The following NPLOC4 variants were observed in gnomAD, a reference collection of about 807,000 sequenced individuals.
The protein encoded by NPLOC4 is nuclear protein localization protein 4 homolog.
NPLOC4 carries 18 observed loss-of-function variants against 80.6 expected under a neutral mutation model. The observed-to-expected ratio is 0.22, with a 90% CI of 0.15 to 0.33. The LOEUF (loss-of-function observed/expected upper bound fraction) is 0.33, where lower values mean the gene tolerates loss of function less well. NPLOC4 is among the 10% of genes least tolerant of loss of function. NPLOC4 has a pLI of 1.00. For synonymous variants in NPLOC4, 313 were observed against 301.5 expected (o/e 1.04, Z -0.39); for missense variants, 540 against 786.1 (o/e 0.69, Z 3.74).
At chr17:81,620,234 A>T (rs2035628841) in intron 3 of NPLOC4, among the ~76,000 whole-genome samples, 1 of 152,214 alleles carries the variant, frequency 6.6e-6, no homozygotes, top group South Asian at 2.1e-4. Flanking sequence ...ACGGTGGCTC[A>T]CACCTGTAAT....
rs565558030 is a variant in NPLOC4 at position 81,599,376 on chromosome 17, T to C, written c.921+965A>G. On this transcript the variant is annotated intron_variant, in intron 9 of 16. Transcript: ENST00000331134. ...TTCAAGATTATGAACTGTAAGATTA[T>C]AACAAATTAGGTCAAAAAATTGGAC... Among the ~76,000 whole-genome samples the C allele has an allele frequency of 2.0e-5, 3 of 152,344 alleles. No individual in the cohort carries two copies. In the South Asian group the frequency reaches 6.2e-4, roughly 32 times the overall value.
In NPLOC4 at chr17:81,622,653, T is replaced by A. The variant is rs141491584; in HGVS notation, c.97-375A>T. On this transcript the variant is annotated intron_variant, in intron 2 of 16. Coordinates refer to ENST00000331134, the MANE Select transcript of NPLOC4 (RefSeq NM_017921.4). ...GCAACCTCCACATCCCAGGTTCCAG[T>A]GATTCTCCTGCCTCAGCCTCCCAAG... 1.8e-3 allele frequency among the ~76,000 whole-genome samples: 273 copies of A among 152,216 alleles called. 7 individuals carry two copies. In the East Asian group the frequency reaches 0.044, roughly 25 times the overall value.
chr17:81,562,036 C>A (rs1300205434), intron 16 of NPLOC4: 1 of 152,188 alleles, frequency 6.6e-6, no homozygotes, highest in Non-Finnish European at 1.5e-5. Flanking sequence ...GAGTTCCAGA[C>A]CAGCCTGACC....
In NPLOC4 at chr17:81,592,567, T is replaced by C. The variant is rs976256744; in HGVS notation, c.1121-3463A>G. Among the ~76,000 whole-genome samples the C allele has an allele frequency of 4.6e-5, 7 of 152,178 alleles. No individual in the cohort carries two copies. In the South Asian group the frequency reaches 1.4e-3, roughly 32 times the overall value. On this transcript the variant is annotated intron_variant, in intron 11 of 16. Coordinates refer to ENST00000331134, the MANE Select transcript of NPLOC4 (RefSeq NM_017921.4). ...AGGTGAAAAAAGCCCAAGGATGATC[T>C]ATATAATCTCTCAACTCTCAACAAG...
At position 81,610,274 on chromosome 17, in the gene NPLOC4, G is replaced by A; in HGVS notation, c.387-16C>T. 1 of 1,562,890 alleles carries A rather than the reference G, an allele frequency of 6.4e-7. No homozygotes were observed. Among genetic ancestry groups the A allele is most frequent in the South Asian group, 1.2e-5 (1 of 84,562 alleles). ...GTGGCGGCATCTGAGGAGAGTACAAGGCAGAAAAAGGCAGAGCAGTGAGGA... is the reference window on the plus strand; with the variant it reads ...GTGGCGGCATCTGAGGAGAGTACAAAGCAGAAAAAGGCAGAGCAGTGAGGA... On this transcript the variant is annotated splice_polypyrimidine_tract_variant and intron_variant, in intron 4 of 16. Transcript: ENST00000331134.
intron 2 of NPLOC4, among the ~76,000 whole-genome samples, chr17:81,628,398 T>C (rs1262626261): frequency 2.0e-5 from 3 of 150,448 alleles, no homozygotes; most frequent in Non-Finnish European, 3.0e-5. Context: ...CCTGTAATCC[T>C]AGCTACTCGA....
intron 12 of NPLOC4, among the ~76,000 whole-genome samples, chr17:81,579,682 T>G (rs908296207): frequency 7.9e-5 from 12 of 152,112 alleles, no homozygotes; most frequent in Non-Finnish European, 1.5e-4. Flanking sequence ...CCCCTTCCTC[T>G]CTGTGTGCCA....
rs936336472 is a variant in NPLOC4 at position 81,565,610 on chromosome 17, A to G, written c.1567-3T>C. The G allele has an allele frequency of 6.5e-6, 10 of 1,539,054 alleles. No homozygotes were observed. The highest frequency in any genetic ancestry group is 8.7e-6 in the Non-Finnish European group (10 of 1,145,062). ...TCCAGCAGCAAGCTGATGCTGTCCT[A>G]CAAGAAGCCAAAAGGAAGGTTCCTC... On this transcript the variant is annotated splice_region_variant and splice_polypyrimidine_tract_variant and intron_variant, in intron 15 of 16. Coordinates refer to ENST00000331134, the MANE Select transcript of NPLOC4 (RefSeq NM_017921.4).
rs1267301188 is a variant in NPLOC4 at position 81,557,681 on chromosome 17, G to GC, written c.*1577dup. 1.3e-5 allele frequency: 2 copies of GC among 152,332 alleles called. No individual in the cohort carries two copies. The highest frequency in any genetic ancestry group is 2.9e-5 in the Non-Finnish European group (2 of 68,126). 9.4% of individuals were successfully genotyped at this position (152,332 alleles called of 1,614,324 possible). On this transcript the variant is annotated 3_prime_UTR_variant, in exon 17 of 17. Coordinates refer to ENST00000331134, the MANE Select transcript of NPLOC4 (RefSeq NM_017921.4). ...CAGCTGCTAGGAGGGAGAGCAGACA[G>GC]CCCGCGGTGGGCAAGCTGGGAGTTG...
intron 3 of NPLOC4, among the ~76,000 whole-genome samples, chr17:81,620,120 T>C (rs1039062809): frequency 5.9e-5 from 9 of 152,264 alleles, no homozygotes; most frequent in African/African-American, 2.2e-4. Context: ...AAGGGGAACC[T>C]GAAGATTACA....
chr17:81,622,191 T>C lies in NPLOC4; in HGVS notation c.184A>G (p.Lys62Glu). The C allele has an allele frequency of 1.9e-6, 3 of 1,613,292 alleles. No homozygotes were observed. Among genetic ancestry groups the C allele is most frequent in the Non-Finnish European group, 2.5e-6 (3 of 1,179,268 alleles). The change falls in exon 3 of 17, where the codon AAA (lysine) becomes GAA (glutamate). Residue 62 changes from lysine to glutamate, a missense_variant. Physicochemically the swap from Lys to Glu is moderately conservative, Grantham distance 56. Coordinates refer to ENST00000331134, the MANE Select transcript of NPLOC4 (RefSeq NM_017921.4). ...KTGEITASSN[K>E]SLNLLKIKHG... is the part of the protein sequence containing the mutation. The stretch of plus-strand genomic sequence containing the variant: ...TTGATTTTTAGCAAGTTGAGGGATT[T>C]GTTGGAGGAGGCTGTTATCTCTCCG...
intron 1 of NPLOC4, among the ~76,000 whole-genome samples, chr17:81,631,436 A>ATATATATATATATT (rs1330720098): frequency 9.4e-5 from 11 of 117,068 alleles, no homozygotes; most frequent in African/African-American, 3.4e-4. Flanking sequence ...ATATATATAT[A>ATATATATATATATT]TTTTTTTTTT....
chr17:81,562,966 A>G (rs1238307814), intron 16 of NPLOC4: 1 of 150,636 alleles, frequency 6.6e-6, no homozygotes, highest in African/African-American at 2.4e-5. Context: ...GAAAAAAAAA[A>G]GGTCAGGTGC....
At chr17:81,589,962 G>A (rs912657859) in intron 11 of NPLOC4, among the ~76,000 whole-genome samples, 5 of 152,114 alleles carry the variant, frequency 3.3e-5, no homozygotes, top group African/African-American at 9.7e-5. Flanking sequence ...GGGTGTAAAC[G>A]GCAGATAGAT....
rs2035454572 is a variant in NPLOC4, at chr17:81,615,405, GTCTGTT to G, written c.210-1917_210-1912del. 5.3e-5 allele frequency among the ~76,000 whole-genome samples: 8 copies of G among 152,128 alleles called. 1 individual carries two copies. In the South Asian group the frequency reaches 1.7e-3, roughly 32 times the overall value. Reference sequence around the variant, plus strand: ...GTGAGCCACCACGTCCAGCCGAGACGTCTGTTTCTAATAGCAGATTACATATTCCTA... The same window carrying G: ...GTGAGCCACCACGTCCAGCCGAGACGTCTAATAGCAGATTACATATTCCTA... On this transcript the variant is annotated intron_variant, in intron 3 of 16. Transcript: ENST00000331134.
chr17:81,614,975 T>C lies in NPLOC4; in HGVS notation c.210-1481A>G, dbSNP rs187668530. 3.6e-3 allele frequency among the ~76,000 whole-genome samples: 554 copies of C among 152,278 alleles called. 14 individuals carry two copies. The highest frequency in any genetic ancestry group is 0.033 in the Admixed American group (511 of 15,284). On this transcript the variant is annotated intron_variant, in intron 3 of 16. Transcript: ENST00000331134. ...AGAGCAGAGGCCAAAGTGCAGGCCC[T>C]CAAGGACACACAGACACTGGGGCTC...
rs530159550 is a variant in NPLOC4 at position 81,624,196 on chromosome 17, G to A, written c.97-1918C>T. Among the ~76,000 whole-genome samples, 37 of 152,184 alleles carry A rather than the reference G, an allele frequency of 2.4e-4. No homozygotes were observed. The South Asian group carries it at 3.3e-3, about 14-fold the overall frequency. ...AGCACTCTGGGAGGCCGAGGTGGGC[G>A]GATCACGAGGTCAGGAGATCGAGGC... On this transcript the variant is annotated intron_variant, in intron 2 of 16. Transcript: ENST00000331134.
intron 12 of NPLOC4, among the ~76,000 whole-genome samples, chr17:81,585,596 G>T (rs950013712): frequency 6.0e-5 from 9 of 149,868 alleles, no homozygotes; most frequent in Non-Finnish European, 1.0e-4. Context: ...AGGTGGCAGA[G>T]GTTGCAGTGA....
intron 11 of NPLOC4, among the ~76,000 whole-genome samples, chr17:81,593,942 T>TCC (rs201196525): frequency 0.013 from 1,995 of 151,886 alleles, 63 homozygotes; most frequent in African/African-American, 0.046. Flanking sequence ...TCCCAACCCT[T>TCC]CCCTTAAGCA....
Sources: allele counts gnomAD v4.1 joint callset (sites outside exome capture counted in the v4.1 genomes callset), GRCh38; gene constraint gnomAD v4.1.1; transcripts MANE v1.5; gene names NCBI Gene and HGNC (gene_info 2026-07-23, HGNC 2026-07-21).